NPAS2: variants seen among roughly 807,000 people sequenced by gnomAD.
NPAS2 encodes the protein neuronal PAS domain-containing protein 2.
A neutral mutation model predicts 107.5 loss-of-function variants in NPAS2; 23 were observed. The ratio of observed to expected loss-of-function variants is 0.21; its 90% CI spans 0.15 to 0.30. The LOEUF (loss-of-function observed/expected upper bound fraction) is 0.30, where lower values mean the gene tolerates loss of function less well. Among genes scored for constraint, NPAS2 ranks in the 10% least tolerant of loss-of-function variants. The probability of loss-of-function intolerance (pLI) is 1.00; values close to 1 mark genes in which losing one functional copy is unlikely to be tolerated. For synonymous variants in NPAS2, 403 were observed against 417.5 expected (o/e 0.97, Z 0.42); for missense variants, 756 against 1,043.3 (o/e 0.72, Z 3.79).
chr2:100,862,260 G>A (rs1573490367), intron 1 of NPAS2, among the ~76,000 whole-genome samples: 1 of 152,160 alleles, frequency 6.6e-6, no homozygotes, highest in South Asian at 2.1e-4. Context: ...CCTCGGAAGG[G>A]GATCTGGCTT....
intron 12 of NPAS2, among the ~76,000 whole-genome samples, chr2:100,974,283 C>G (rs538806217): frequency 6.6e-6 from 1 of 152,300 alleles, no homozygotes; most frequent in East Asian, 1.9e-4. Context: ...CAGGGTCAGT[C>G]AGGAGCGAGA....
At chr2:100,942,719 T>C (rs12329385) in intron 5 of NPAS2, among the ~76,000 whole-genome samples, 3,171 of 152,182 alleles carry the variant, frequency 0.021, 76 homozygotes, top group African/African-American at 0.055. Context: ...AGGCAACCAT[T>C]TTCCTGACTT....
At chr2:100,847,870 G>C (rs1677882386) in intron 1 of NPAS2, among the ~76,000 whole-genome samples, 1 of 152,148 alleles carries the variant, frequency 6.6e-6, no homozygotes, top group Non-Finnish European at 1.5e-5. Context: ...CCTTCTTTTG[G>C]TACAAGAAGT....
chr2:100,836,473 G>C (rs1451421912), intron 1 of NPAS2, among the ~76,000 whole-genome samples: 1 of 152,182 alleles, frequency 6.6e-6, no homozygotes, highest in South Asian at 2.1e-4. Flanking sequence ...GATTTAAGAA[G>C]GCTTTTCAGC....
chr2:100,983,305 T>C (rs3768991), intron 16 of NPAS2: 61,369 of 152,322 alleles, frequency 0.4, 13,663 homozygotes, highest in Middle Eastern at 0.62. Context: ...CTACCATAGG[T>C]GACAGGCGGG....
At chr2:100,898,652 C>G (rs1315099393) in intron 1 of NPAS2, among the ~76,000 whole-genome samples, 1 of 152,080 alleles carries the variant, frequency 6.6e-6, no homozygotes, top group African/African-American at 2.4e-5. Flanking sequence ...AAATGTAAAG[C>G]AATGGCTCCA....
At chr2:100,956,183 G>A (rs994073348) in intron 7 of NPAS2, among the ~76,000 whole-genome samples, 1 of 152,196 alleles carries the variant, frequency 6.6e-6, no homozygotes, top group African/African-American at 2.4e-5. Context: ...TGGGATTACA[G>A]GCACAAGCCA....
At chr2:100,933,286 T>G (rs1381431848) in intron 4 of NPAS2, among the ~76,000 whole-genome samples, 3 of 151,890 alleles carry the variant, frequency 2.0e-5, no homozygotes, top group African/African-American at 7.3e-5. Flanking sequence ...CCAGGAAGGG[T>G]GGGTTCGAGG....
intron 7 of NPAS2, among the ~76,000 whole-genome samples, chr2:100,957,998 C>A (rs941506852): frequency 6.6e-6 from 1 of 152,198 alleles, no homozygotes; most frequent in Non-Finnish European, 1.5e-5. Context: ...TAACTTCATG[C>A]AAGAAGGCAA....
intron 2 of NPAS2, among the ~76,000 whole-genome samples, chr2:100,915,124 C>T (rs576086932): frequency 1.3e-5 from 2 of 152,244 alleles, no homozygotes; most frequent in East Asian, 3.9e-4. Context: ...CAGAAGCAAT[C>T]CTCCAACAGC....
chr2:100,845,080 G>A (rs1444903473), intron 1 of NPAS2, among the ~76,000 whole-genome samples: 2 of 152,202 alleles, frequency 1.3e-5, no homozygotes, highest in African/African-American at 2.4e-5. Flanking sequence ...ATTGGAGGCT[G>A]TTGGCATGGG....
At chr2:100,978,559 A>G (rs1175157877) in intron 15 of NPAS2, among the ~76,000 whole-genome samples, 1 of 152,176 alleles carries the variant, frequency 6.6e-6, no homozygotes, top group Non-Finnish European at 1.5e-5. Context: ...AGAAAAGAAA[A>G]GGATTACGGC....
intron 1 of NPAS2, among the ~76,000 whole-genome samples, chr2:100,882,453 C>CA (rs1291417435): frequency 7.2e-5 from 11 of 151,876 alleles, no homozygotes; most frequent in South Asian, 4.2e-4. Flanking sequence ...ACTAAAAATA[C>CA]AAAAAAAATT....
intron 2 of NPAS2, among the ~76,000 whole-genome samples, chr2:100,906,526 C>A (rs1432413159): frequency 9.2e-5 from 14 of 152,214 alleles, no homozygotes; most frequent in Non-Finnish European, 1.5e-5. Flanking sequence ...CTGAGTAGTG[C>A]TTTTTAAATA....
intron 1 of NPAS2, among the ~76,000 whole-genome samples, chr2:100,839,576 G>A (rs1452253429): frequency 6.6e-6 from 1 of 152,040 alleles, no homozygotes; most frequent in Non-Finnish European, 1.5e-5. Flanking sequence ...TGAAATACGT[G>A]TTAATTGACT....
intron 1 of NPAS2, among the ~76,000 whole-genome samples, chr2:100,835,551 T>A (rs1677005326): frequency 6.6e-6 from 1 of 152,092 alleles, no homozygotes; most frequent in Non-Finnish European, 1.5e-5. Context: ...TAGGACAAAA[T>A]CATTATTCTG....
intron 1 of NPAS2, among the ~76,000 whole-genome samples, chr2:100,824,513 G>A (rs1464285567): frequency 1.3e-5 from 2 of 152,180 alleles, no homozygotes; most frequent in Non-Finnish European, 2.9e-5. Context: ...ATTCTGTGGT[G>A]GGTCACTTTC....
intron 20 of NPAS2, 147 bp downstream of exon 20, chr2:100,993,674 G>T: frequency 1.6e-6 from 1 of 628,272 alleles, no homozygotes; most frequent in South Asian, 2.7e-5. Context: ...ATTGTTATTT[G>T]ATTGTTTTTC....
chr2:100,982,272 G>T lies in NPAS2; in HGVS notation c.1524G>T (p.Gln508His), dbSNP rs1677491455. ...QFSMFQTIKD[Q>H]LEQRTRILQA... Reference sequence around the variant, plus strand: ...GCATGTTCCAGACCATCAAAGACCAGCTAGAGCAGCGGACGCGGATCCTGC... The same window carrying T: ...GCATGTTCCAGACCATCAAAGACCATCTAGAGCAGCGGACGCGGATCCTGC... The change falls in exon 16 of 21, where the codon CAG becomes CAT. Residue 508 changes from glutamine to histidine, a missense_variant. Physicochemically the swap from Gln to His is conservative, Grantham distance 24. Around this residue, in one of 4 missense-constraint regions of NPAS2, gnomAD observed 496 missense variants for 594.4 expected, o/e 0.83. Transcript: ENST00000335681. 1 of 1,614,234 alleles carries T rather than the reference G, an allele frequency of 6.2e-7. No individual in the cohort carries two copies. The highest frequency in any genetic ancestry group is 1.3e-5 in the African/African-American group (1 of 75,062).
Sources: allele counts gnomAD v4.1 joint callset (sites outside exome capture counted in the v4.1 genomes callset), GRCh38; gene constraint gnomAD v4.1.1; regional missense constraint gnomAD v4.1.1; transcripts MANE v1.5; gene names NCBI Gene and HGNC (gene_info 2026-07-23, HGNC 2026-07-21).